Variants in TMC7 observed in about 807,000 individuals in gnomAD.
The protein encoded by TMC7 is transmembrane channel-like protein 7.
In TMC7, 54 loss-of-function variants were observed where a neutral mutation model predicts 82.9. That is an observed-to-expected ratio of 0.65 (90% CI 0.52 to 0.82). The LOEUF (loss-of-function observed/expected upper bound fraction) is 0.82. TMC7 is among the 40% of genes least tolerant of loss of function. The probability of loss-of-function intolerance (pLI) is 0.00; values close to 1 mark genes in which losing one functional copy is unlikely to be tolerated. For missense variants in TMC7, 820 were observed against 901.2 expected (o/e 0.91, Z 1.15); for synonymous variants, 350 against 337.9 (o/e 1.04, Z -0.39).
intron 5 of TMC7, 74 bp from the exon 6 acceptor site, chr16:19,030,150 G>C: frequency 6.7e-7 from 1 of 1,481,622 alleles, no homozygotes; most frequent in Non-Finnish European, 9.1e-7. Flanking sequence ...TGTGTTCCTT[G>C]AGGCAGGGAC....
intron 8 of TMC7, among the ~76,000 whole-genome samples, 161 bp from the exon 9 acceptor site, chr16:19,040,115 CAAAAAAAAAAAAA>C (rs55719597): frequency 3.0e-5 from 2 of 67,086 alleles, no homozygotes; most frequent in Non-Finnish European, 5.1e-5. Flanking sequence ...GACTCCATCT[CAAAAAAAAAAAAA>C]AAAAAAAAAA....
In TMC7 at chr16:18,984,137, C is replaced by A; in HGVS notation, c.67+7C>A. The A allele has an allele frequency of 6.7e-7, 1 of 1,493,306 alleles. No individual in the cohort carries two copies. The highest frequency in any genetic ancestry group is 8.9e-7 in the Non-Finnish European group (1 of 1,129,364). 92.5% of individuals were successfully genotyped at this position (1,493,306 alleles called of 1,614,324 possible). On this transcript the variant is annotated splice_region_variant and intron_variant, in intron 1 of 15. Coordinates refer to ENST00000304381, the MANE Select transcript of TMC7 (RefSeq NM_024847.4). ...CAGCCGGCGGTCCATCCAGGTAGGG[C>A]GGCAGGGAGCGCGCGCGGGGACGGT...
At chr16:19,057,317 A>G (rs1042387328) in intron 14 of TMC7, among the ~76,000 whole-genome samples, 9 of 152,194 alleles carry the variant, frequency 5.9e-5, no homozygotes, top group African/African-American at 2.2e-4. Context: ...TTGACAAGGA[A>G]CAGATTTCTG....
At chr16:18,999,825 G>A (rs1036495843) in intron 1 of TMC7, among the ~76,000 whole-genome samples, 3 of 152,028 alleles carry the variant, frequency 2.0e-5, no homozygotes, top group Non-Finnish European at 4.4e-5. Context: ...GTGCAGTGGC[G>A]CGATCTCGGC....
At chr16:19,039,522 A>G (rs1265591263) in intron 8 of TMC7, among the ~76,000 whole-genome samples, 2 of 152,110 alleles carry the variant, frequency 1.3e-5, no homozygotes, top group Non-Finnish European at 2.9e-5. Flanking sequence ...TTACACTAAA[A>G]ACTTCCACTT....
At position 19,060,789 on chromosome 16, in the gene TMC7, A is replaced by ATTT. The variant is rs11390744; in HGVS notation, c.2107-976_2107-974dup. Among the ~76,000 whole-genome samples the ATTT allele has an allele frequency of 3.0e-4, 41 of 137,724 alleles. 1 individual carries two copies. Among genetic ancestry groups the ATTT allele is most frequent in the African/African-American group, 8.6e-4 (32 of 37,362 alleles). The allele number at this position is 137,724 out of a possible 152,430, so 90.4% of individuals were successfully genotyped here. ...AAGGGTTTGTAAGAGTCTACTGTGC[A>ATTT]TTTTTTTTTTTTTTTGAGACAGAGT... On this transcript the variant is annotated intron_variant, in intron 15 of 15. Transcript: ENST00000304381.
At chr16:19,019,459 A>G (rs984839687) in intron 3 of TMC7, among the ~76,000 whole-genome samples, 2 of 152,240 alleles carry the variant, frequency 1.3e-5, no homozygotes, top group South Asian at 4.1e-4. Context: ...CAAAATAATA[A>G]AAGCTAACTG....
At chr16:19,030,405 C>G in intron 6 of TMC7, 36 bp downstream of exon 6, 1 of 1,586,424 alleles carries the variant, frequency 6.3e-7, no homozygotes. Flanking sequence ...TGAATTACCC[C>G]TGATGGCTGG....
chr16:19,056,837 A>G, intron 14 of TMC7, 140 bp downstream of exon 14: 3 of 1,012,490 alleles, frequency 3.0e-6, no homozygotes, highest in Non-Finnish European at 4.3e-6. Flanking sequence ...TAAAATGGGC[A>G]TAATAGGCCA....
chr16:18,984,121 G>T lies in TMC7; in HGVS notation c.58G>T (p.Val20Phe). ...CGGCAGGCCCAGCCGGCAGCCGGCG[G>T]TCCATCCAGGTAGGGCGGCAGGGAG... Reference protein sequence around the residue: ...QPGRPSRQPAVHPENLSLDSS... With the variant: ...QPGRPSRQPAFHPENLSLDSS... Residue 20 changes from valine (V) to phenylalanine (F), a missense_variant, in exon 1 of 16, where the codon GTC becomes TTC. Val to Phe is a conservative substitution (Grantham distance 50, BLOSUM62 -1). Coordinates refer to ENST00000304381, the MANE Select transcript of TMC7 (RefSeq NM_024847.4). 1 of 1,502,720 alleles carries T rather than the reference G, an allele frequency of 6.7e-7. No homozygotes were observed. 93.1% of individuals were successfully genotyped at this position (1,502,720 alleles called of 1,614,324 possible). A position where few individuals can be genotyped will look rare whatever the true frequency, so the allele number is the denominator to read the frequency against.
intron 12 of TMC7, among the ~76,000 whole-genome samples, chr16:19,048,117 T>A (rs1961370787): frequency 1.3e-5 from 2 of 152,030 alleles, no homozygotes; most frequent in African/African-American, 2.4e-5. Flanking sequence ...GCATTTTTTT[T>A]ATTTGTTTGG....
At chr16:19,016,874 C>T (rs772755765) in intron 3 of TMC7, among the ~76,000 whole-genome samples, 21 of 152,156 alleles carry the variant, frequency 1.4e-4, no homozygotes, top group Admixed American at 3.9e-4. Context: ...AGACTTCCCA[C>T]TAGATCTTGT....
At chr16:19,049,768 C>A in intron 12 of TMC7, 2 of 447,682 alleles carry the variant, frequency 4.5e-6, no homozygotes, top group Non-Finnish European at 5.9e-6. Context: ...ATCTTCGGTA[C>A]TCAGTGTCCT....
At chr16:19,040,238 G>T (rs780091101) in intron 8 of TMC7, 51 bp from the exon 9 acceptor site, 7 of 1,536,952 alleles carry the variant, frequency 4.6e-6, no homozygotes, top group Middle Eastern at 4.4e-4. Context: ...ATCTATTTGT[G>T]GTGTAACTTC....
chr16:18,990,742 G>A (rs1260846161), intron 1 of TMC7, among the ~76,000 whole-genome samples: 2 of 152,158 alleles, frequency 1.3e-5, no homozygotes, highest in Non-Finnish European at 2.9e-5. Flanking sequence ...TTAAGGGTGA[G>A]GAGAATTACA....
intron 5 of TMC7, among the ~76,000 whole-genome samples, chr16:19,027,325 C>T (rs933672461): frequency 2.0e-5 from 3 of 151,982 alleles, no homozygotes; most frequent in African/African-American, 7.2e-5. Context: ...CCTCAGCCTC[C>T]GAAAGTGCTG....
chr16:19,061,890 C>A lies in TMC7; in HGVS notation c.*47C>A. The A allele has an allele frequency of 6.5e-7, 1 of 1,528,652 alleles. No individual in the cohort carries two copies. The highest frequency in any genetic ancestry group is 9.0e-7 in the Non-Finnish European group (1 of 1,113,010). The allele number at this position is 1,528,652 out of a possible 1,614,324, so 94.7% of individuals were successfully genotyped here. A position where few individuals can be genotyped will look rare whatever the true frequency, so the allele number is the denominator to read the frequency against. ...TGCTGCCTGTTGCTTCTAAGCTGAC[C>A]TAGTGATTCTGCTGAGCCTACAGAG... On this transcript the variant is annotated 3_prime_UTR_variant, in exon 16 of 16. Transcript: ENST00000304381.
At chr16:19,010,085 C>CTTTCCTT (rs1190072190) in intron 2 of TMC7, among the ~76,000 whole-genome samples, 1 of 131,250 alleles carries the variant, frequency 7.6e-6, no homozygotes, top group African/African-American at 2.8e-5. Flanking sequence ...CTTTCCTTTC[C>CTTTCCTT]TTTCCTTTTT....
At chr16:18,993,140 G>A (rs2038980970) in intron 1 of TMC7, among the ~76,000 whole-genome samples, 3 of 152,134 alleles carry the variant, frequency 2.0e-5, no homozygotes, top group South Asian at 4.1e-4. Context: ...AGATAGCTGG[G>A]GAGAGGTAGA....
Sources: gnomAD v4.1 joint callset for allele counts (sites outside exome capture counted in the v4.1 genomes callset) on GRCh38, gnomAD v4.1.1 for gene constraint, MANE v1.5 for transcripts, NCBI Gene and HGNC (gene_info 2026-07-23, HGNC 2026-07-21) for gene names.